DGKH: variants seen among roughly 807,000 people sequenced by gnomAD.
DGKH encodes the protein DAG kinase eta.
A neutral mutation model predicts 159.3 loss-of-function variants in DGKH; 90 were observed. The observed-to-expected ratio is 0.57, with a 90% CI of 0.48 to 0.67. The LOEUF (loss-of-function observed/expected upper bound fraction) is 0.67. DGKH is among the 30% of genes least tolerant of loss of function. The pLI, the probability that DGKH is intolerant of heterozygous loss-of-function variation, is 0.00. For synonymous variants in DGKH, 536 were observed against 553.8 expected (o/e 0.97, Z 0.45); for missense variants, 1,181 against 1,506.1 (o/e 0.78, Z 3.57).
intron 29 of DGKH, among the ~76,000 whole-genome samples, chr13:42,250,264 C>G (rs926385009): frequency 6.6e-6 from 1 of 151,810 alleles, no homozygotes; most frequent in African/African-American, 2.4e-5. Context: ...CCCCCACGAC[C>G]GGCCACTCCA....
At chr13:42,105,243 G>C (rs1954725722) in intron 1 of DGKH, among the ~76,000 whole-genome samples, 2 of 152,128 alleles carry the variant, frequency 1.3e-5, no homozygotes, top group African/African-American at 4.8e-5. Flanking sequence ...AGAAGGGCAA[G>C]AGAGGGCCAG....
At position 42,136,671 on chromosome 13, in the gene DGKH, A is replaced by G. The variant is rs1281929511; in HGVS notation, c.384+7039A>G. ...AATACATAGGTAATTTAATTCATTT[A>G]TTTAACCACCCATAACATTTTCTGG... On this transcript the variant is annotated intron_variant, in intron 3 of 29. Transcript: ENST00000337343. Among the ~76,000 whole-genome samples the G allele has an allele frequency of 2.0e-5, 3 of 152,224 alleles. No homozygotes were observed. The East Asian group carries it at 5.8e-4, about 29-fold the overall frequency.
At chr13:42,226,637 C>T (rs1366007199) in intron 29 of DGKH, among the ~76,000 whole-genome samples, 1 of 151,688 alleles carries the variant, frequency 6.6e-6, no homozygotes, top group Non-Finnish European at 1.5e-5. Context: ...AGGTGGATCA[C>T]GAGGTCAGGC....
intron 1 of DGKH, among the ~76,000 whole-genome samples, chr13:42,042,019 A>G (rs1807067): frequency 0.18 from 27,465 of 152,054 alleles, 2,681 homozygotes; most frequent in East Asian, 0.31. Flanking sequence ...TCCTTTGCCC[A>G]GAGTACGTTT....
chr13:42,180,954 A>G (rs776504941), intron 13 of DGKH, among the ~76,000 whole-genome samples: 1 of 152,114 alleles, frequency 6.6e-6, no homozygotes, highest in African/African-American at 2.4e-5. Context: ...CAAATTCTAT[A>G]CCATCTTAAT....
intron 1 of DGKH, among the ~76,000 whole-genome samples, chr13:42,049,294 G>C (rs1486437845): frequency 6.6e-6 from 1 of 152,072 alleles, no homozygotes; most frequent in Non-Finnish European, 1.5e-5. Flanking sequence ...TCGACTGGCA[G>C]AGGCGGGTGC....
intron 1 of DGKH, chr13:42,069,537 C>A: frequency 1.3e-6 from 2 of 1,596,148 alleles, no homozygotes; most frequent in South Asian, 2.2e-5. Flanking sequence ...GATTCTTTTC[C>A]CTTTCTTTTC....
At chr13:42,148,489 C>T (rs1400257902) in intron 3 of DGKH, among the ~76,000 whole-genome samples, 1 of 152,132 alleles carries the variant, frequency 6.6e-6, no homozygotes, top group Non-Finnish European at 1.5e-5. Flanking sequence ...GCACAGCAGC[C>T]TCACTGCACC....
intron 1 of DGKH, among the ~76,000 whole-genome samples, chr13:42,076,221 ATGT>A (rs1220476451): frequency 6.6e-6 from 1 of 152,184 alleles, no homozygotes; most frequent in Non-Finnish European, 1.5e-5. Flanking sequence ...ATCATTTCTC[ATGT>A]TGTTTGCAGC....
chr13:42,085,858 C>T (rs553566548), intron 1 of DGKH, among the ~76,000 whole-genome samples: 3 of 152,226 alleles, frequency 2.0e-5, no homozygotes, highest in Admixed American at 2.0e-4. Context: ...AAATATTTTT[C>T]CAAAGATATT....
chr13:42,136,941 A>AT (rs1955414356), intron 3 of DGKH, among the ~76,000 whole-genome samples: 1 of 152,254 alleles, frequency 6.6e-6, no homozygotes, highest in Admixed American at 6.5e-5. Context: ...ACCAATAAAC[A>AT]TGAGAACATA....
chr13:42,159,869 A>G, intron 6 of DGKH, 142 bp from the exon 7 acceptor site: 1 of 1,222,586 alleles, frequency 8.2e-7, no homozygotes, highest in Non-Finnish European at 1.1e-6. Context: ...TAGATGCTCA[A>G]TAAACGTGGG....
At chr13:42,177,671 T>G (rs1956639620) in intron 12 of DGKH, among the ~76,000 whole-genome samples, 1 of 152,180 alleles carries the variant, frequency 6.6e-6, no homozygotes, top group Non-Finnish European at 1.5e-5. Flanking sequence ...TTTCTAGTTG[T>G]TTTCATTTTA....
In DGKH at chr13:42,170,729, G is replaced by C. The variant is rs7333091; in HGVS notation, c.1367+1911G>C. Among the ~76,000 whole-genome samples, 224 of 152,296 alleles carry C rather than the reference G, an allele frequency of 1.5e-3. 1 individual carries two copies. The highest frequency in any genetic ancestry group is 5.1e-3 in the African/African-American group (212 of 41,570). ...AGGCCCAGGTGGGCGAATTACCTGAGGTCAGGAGTTCGAGACCAGCCTGGC... is the reference window on the plus strand; with the variant it reads ...AGGCCCAGGTGGGCGAATTACCTGACGTCAGGAGTTCGAGACCAGCCTGGC... On this transcript the variant is annotated intron_variant, in intron 11 of 29. Transcript: ENST00000337343.
intron 1 of DGKH, among the ~76,000 whole-genome samples, chr13:42,119,700 A>G (rs1029099792): frequency 2.0e-5 from 3 of 152,244 alleles, no homozygotes; most frequent in African/African-American, 7.2e-5. Context: ...AAAATTTTAT[A>G]ACAGAATTTA....
intron 1 of DGKH, among the ~76,000 whole-genome samples, chr13:42,115,439 C>T (rs747622027): frequency 1.3e-5 from 2 of 152,036 alleles, no homozygotes; most frequent in Admixed American, 1.3e-4. Context: ...AATCCCTATG[C>T]AGCATGATTA....
chr13:42,191,374 A>T (rs937615895), intron 16 of DGKH, among the ~76,000 whole-genome samples: 3 of 152,214 alleles, frequency 2.0e-5, no homozygotes, highest in African/African-American at 7.2e-5. Flanking sequence ...GGAATGGTAG[A>T]AAAGCTAACT....
chr13:42,253,189 A>G (rs963014239), intron 30 of DGKH, among the ~76,000 whole-genome samples: 7 of 152,130 alleles, frequency 4.6e-5, no homozygotes, highest in African/African-American at 1.7e-4. Context: ...ACATGTTGAA[A>G]CCTAATCCCC....
intron 7 of DGKH, among the ~76,000 whole-genome samples, chr13:42,163,164 C>T (rs550278179): frequency 6.6e-6 from 1 of 151,610 alleles, no homozygotes; most frequent in Non-Finnish European, 1.5e-5. Flanking sequence ...TTTCCAATTT[C>T]ATCCATGTCC....
Sources: allele counts gnomAD v4.1 joint callset (sites outside exome capture counted in the v4.1 genomes callset), GRCh38; gene constraint gnomAD v4.1.1; transcripts MANE v1.5; gene names NCBI Gene and HGNC (gene_info 2026-07-23, HGNC 2026-07-21).